The following MUCL3 variants were observed in gnomAD, a reference collection of about 807,000 sequenced individuals.
MUCL3 encodes the protein mucin-like protein 3.
Under a neutral mutation model 70.2 loss-of-function variants are expected in MUCL3, and 42 were observed. The observed-to-expected ratio is 0.60, with a 90% CI of 0.47 to 0.77. The LOEUF (loss-of-function observed/expected upper bound fraction) is 0.77. Ranked by LOEUF, MUCL3 falls within the 30% of genes least tolerant of loss-of-function variation. The pLI is 0.00. For synonymous variants in MUCL3, 522 were observed against 647.0 expected (o/e 0.81, Z 2.93); for missense variants, 1,429 against 1,670.0 (o/e 0.86, Z 2.52).
Position 30,952,102 on chromosome 6 carries a change from G to A in MUCL3, c.3638G>A (p.Gly1213Glu), listed in dbSNP as rs745648072. Residue 1213 changes from glycine (G) to glutamate (E), a missense_variant, in exon 2 of 3, where the codon GGG becomes GAG. By Grantham distance (98) the Gly-to-Glu change is moderately conservative. Coordinates refer to ENST00000462446, the MANE Select transcript of MUCL3 (RefSeq NM_080870.4). ...PVPEKPTENL[G>E]NTTLTTETIK... ...CCAGAAAAGCCTACAGAAAACCTGG[G>A]GAACACCACACTGACCACTGAGACC... 9 of 1,607,252 alleles carry A rather than the reference G, an allele frequency of 5.6e-6. No homozygotes were observed. Among genetic ancestry groups the A allele is most frequent in the African/African-American group, 4.1e-5 (3 of 73,752 alleles).
intron 1 of MUCL3, among the ~76,000 whole-genome samples, chr6:30,948,045 T>C (rs953810275): frequency 1.3e-5 from 2 of 152,194 alleles, no homozygotes; most frequent in African/African-American, 2.4e-5. Flanking sequence ...TTCTCAGCTA[T>C]GCCATAGAAA....
At chr6:30,944,233 T>A (rs562677460) in intron 1 of MUCL3, among the ~76,000 whole-genome samples, 2 of 151,954 alleles carry the variant, frequency 1.3e-5, no homozygotes, top group South Asian at 4.2e-4. Flanking sequence ...TCCTTCCTTT[T>A]CTTTCTTTTC....
In MUCL3 at chr6:30,953,246, C is replaced by T. The variant is rs1760804694; in HGVS notation, c.*129C>T. 7.4e-7 allele frequency: 1 copy of T among 1,358,370 alleles called. No individual in the cohort carries two copies. The highest frequency in any genetic ancestry group is 9.8e-7 in the Non-Finnish European group (1 of 1,022,830). The allele number at this position is 1,358,370 out of a possible 1,614,324, so 84.1% of individuals were successfully genotyped here. A position where few individuals can be genotyped will look rare whatever the true frequency, so the allele number is the denominator to read the frequency against. ...GAATACTGACGGTTACCAGTATTAA[C>T]CCTTCATCTGTTCTTGAAACTGGTT... On this transcript the variant is annotated 3_prime_UTR_variant, in exon 3 of 3. Coordinates refer to ENST00000462446, the MANE Select transcript of MUCL3 (RefSeq NM_080870.4).
intron 1 of MUCL3, among the ~76,000 whole-genome samples, chr6:30,945,751 G>A (rs911852078): frequency 1.3e-5 from 2 of 152,114 alleles, no homozygotes; most frequent in South Asian, 4.1e-4. Flanking sequence ...TCAGGAGATC[G>A]AGACCATCCT....
In MUCL3 at chr6:30,948,629, T is replaced by C. The variant is rs549163325; in HGVS notation, c.165T>C (p.Val55=). ...TATTTCCCCTCACTCCAGGCCTTGT[T>C]TATAGTATCCCTTTTGATCACATTG... is the stretch of plus-strand genomic sequence containing the variant. ...DHIFPLTPGL[V]YSIPFDHIVL... is the part of the protein sequence containing the mutation. Residue 55 remains valine (V), a synonymous_variant, in exon 2 of 3, where the codon GTT becomes GTC. Transcript: ENST00000462446. 1 of 1,551,608 alleles carries C rather than the reference T, an allele frequency of 6.4e-7. No individual in the cohort carries two copies. Among genetic ancestry groups the C allele is most frequent in the South Asian group, 1.2e-5 (1 of 84,030 alleles).
In MUCL3 at chr6:30,949,510, C is replaced by T. The variant is rs1406373513; in HGVS notation, c.1046C>T (p.Thr349Ile). ...GGGCCTACAGAAAATAGAGAAATGACAGCCAATGAGAATACCACACTATTC... is the reference window on the plus strand; with the variant it reads ...GGGCCTACAGAAAATAGAGAAATGATAGCCAATGAGAATACCACACTATTC... Reference protein sequence around the residue: ...PAGPTENREMTANENTTLFPA... With the variant: ...PAGPTENREMIANENTTLFPA... Residue 349 changes from threonine (T) to isoleucine (I), a missense_variant, in exon 2 of 3, where the codon ACA becomes ATA. Physicochemically the swap from Thr to Ile is moderately conservative, Grantham distance 89. Transcript: ENST00000462446. 2 of 1,550,482 alleles carry T rather than the reference C, an allele frequency of 1.3e-6. No individual in the cohort carries two copies. The highest frequency in any genetic ancestry group is 1.2e-5 in the South Asian group (1 of 83,964).
At position 30,948,968 on chromosome 6, in the gene MUCL3, T is replaced by C. The variant is rs552757780; in HGVS notation, c.504T>C (p.Cys168=). The C allele has an allele frequency of 3.2e-6, 5 of 1,551,452 alleles. No homozygotes were observed. The East Asian group carries it at 7.3e-5, about 23-fold the overall frequency. Reference sequence around the variant, plus strand: ...CAGCACCCAAGAGCAAAATAAACTGTCGTAAGTCCACAACAGGCAAATCAA... The same window carrying C: ...CAGCACCCAAGAGCAAAATAAACTGCCGTAAGTCCACAACAGGCAAATCAA... The part of the protein sequence containing the change: ...ITPAPKSKIN[C]RKSTTGKSTV... Residue 168 remains cysteine (C), a synonymous_variant, in exon 2 of 3, where the codon TGT becomes TGC. Transcript: ENST00000462446.
chr6:30,943,073 C>T (rs1279153875), intron 1 of MUCL3, among the ~76,000 whole-genome samples: 1 of 152,054 alleles, frequency 6.6e-6, no homozygotes, highest in African/African-American at 2.4e-5. Context: ...TGGCTGTGCC[C>T]AGCAGAGAGA....
In MUCL3 at chr6:30,953,062, T is replaced by A; in HGVS notation, c.4127T>A (p.Val1376Asp). The A allele has an allele frequency of 6.2e-7, 1 of 1,614,230 alleles. No individual in the cohort carries two copies. Among genetic ancestry groups the A allele is most frequent in the Non-Finnish European group, 8.5e-7 (1 of 1,180,036 alleles). The change falls in exon 3 of 3, where the codon GTC (valine) becomes GAC (aspartate). Residue 1376 changes from valine (V) to aspartate (D), a missense_variant. Val to Asp is a radical substitution (Grantham distance 152). Transcript: ENST00000462446. ...GAGGGTGGCCCCAATTCCTACCCGG[T>A]CTACCTGATGGAGCAGCAGAATCTT... ...EDEGGPNSYP[V>D]YLMEQQNLGM...
At position 30,953,087 on chromosome 6, in the gene MUCL3, T is replaced by C. The variant is rs1470507660; in HGVS notation, c.4152T>C (p.Leu1384=). 2 of 1,614,108 alleles carry C rather than the reference T, an allele frequency of 1.2e-6. No individual in the cohort carries two copies. Among genetic ancestry groups the C allele is most frequent in the Non-Finnish European group, 1.7e-6 (2 of 1,180,052 alleles). The change falls in exon 3 of 3, where the codon CTT becomes CTC. Residue 1384 remains leucine, a synonymous_variant. Coordinates refer to ENST00000462446, the MANE Select transcript of MUCL3 (RefSeq NM_080870.4). ...YPVYLMEQQN[L]GMGQIPSPR ...TCTACCTGATGGAGCAGCAGAATCT[T>C]GGCATGGGCCAGATCCCTTCCCCAC...
intron 1 of MUCL3, among the ~76,000 whole-genome samples, chr6:30,941,433 TTTCTTCTTCTTC>T (rs1161058683): frequency 1.5e-5 from 2 of 135,384 alleles, no homozygotes; most frequent in African/African-American, 5.7e-5. Context: ...TGGTGATTTC[TTTCTTCTTCTTC>T]TTCTTCTTCT....
Position 30,949,410 on chromosome 6 carries a change from A to C in MUCL3, c.946A>C (p.Thr316Pro). Residue 316 changes from threonine (T) to proline (P), a missense_variant, in exon 2 of 3, where the codon ACC becomes CCC. Transcript: ENST00000462446. ...ENRERTANEN[T>P]TLSPAEPIEN... is the part of the protein sequence containing the mutation. Reference sequence around the variant, plus strand: ...TAGAGAAAGGACAGCCAATGAGAACACCACACTATCCCCAGCAGAGCCTAT... The same window carrying C: ...TAGAGAAAGGACAGCCAATGAGAACCCCACACTATCCCCAGCAGAGCCTAT... 1 of 1,498,352 alleles carries C rather than the reference A, an allele frequency of 6.7e-7. No individual in the cohort carries two copies. Among genetic ancestry groups the C allele is most frequent in the Non-Finnish European group, 9.0e-7 (1 of 1,111,590 alleles). The allele number at this position is 1,498,352 out of a possible 1,614,324, so 92.8% of individuals were successfully genotyped here.
Position 30,948,585 on chromosome 6 carries a change from C to T in MUCL3, c.121C>T (p.Leu41Phe). The part of the protein sequence containing the change: ...TFQEYQKTGE[L>F]STSDHIFPLT... ...CCAAGAATATCAGAAAACTGGGGAACTCTCAACATCCGATCACATATTTCC... is the reference window on the plus strand; with the variant it reads ...CCAAGAATATCAGAAAACTGGGGAATTCTCAACATCCGATCACATATTTCC... The change falls in exon 2 of 3, where the codon CTC (leucine) becomes TTC (phenylalanine). Residue 41 changes from leucine (L) to phenylalanine (F), a missense_variant. Transcript: ENST00000462446. 1 of 1,540,882 alleles carries T rather than the reference C, an allele frequency of 6.5e-7. No individual in the cohort carries two copies. Among genetic ancestry groups the T allele is most frequent in the Non-Finnish European group, 8.7e-7 (1 of 1,143,722 alleles).
At chr6:30,941,154 T>G in intron 1 of MUCL3, 73 bp downstream of exon 1, 7 of 1,510,238 alleles carry the variant, frequency 4.6e-6, no homozygotes, top group Non-Finnish European at 6.2e-6. Context: ...GGACAACAAA[T>G]AGAAATGAAT....
Position 30,950,939 on chromosome 6 carries a change from T to C in MUCL3, c.2475T>C (p.Asn825=), listed in dbSNP as rs1760641104. 1.8e-5 allele frequency: 27 copies of C among 1,540,200 alleles called. No homozygotes were observed. Among genetic ancestry groups the C allele is most frequent in the Non-Finnish European group, 2.3e-5 (26 of 1,145,112 alleles). Residue 825 remains asparagine (N), a synonymous_variant, in exon 2 of 3, where the codon AAT becomes AAC. Coordinates refer to ENST00000462446, the MANE Select transcript of MUCL3 (RefSeq NM_080870.4). ...TTSSPAEPTE[N]RERTANEKTT... ...CATCCCCAGCAGAGCCTACAGAAAA[T>C]AGAGAAAGGACAGCCAATGAGAAGA...
In MUCL3 at chr6:30,948,478, AGGAGGTG is replaced by A. The variant is rs1275051765; in HGVS notation, c.83-65_83-59del. ...GGGGAACAAAGAGATCCCCTAGAGA[AGGAGGTG>A]GGAAGGGGGAGTTGGAGAAGAACAT... On this transcript the variant is annotated intron_variant, in intron 1 of 2. Coordinates refer to ENST00000462446, the MANE Select transcript of MUCL3 (RefSeq NM_080870.4). 7.4e-6 allele frequency: 9 copies of A among 1,212,824 alleles called. No homozygotes were observed. In the African/African-American group the frequency reaches 1.4e-4, roughly 19 times the overall value. The allele number at this position is 1,212,824 out of a possible 1,614,324, so 75.1% of individuals were successfully genotyped here.
intron 1 of MUCL3, among the ~76,000 whole-genome samples, chr6:30,942,037 C>T (rs987268967): frequency 6.6e-6 from 1 of 152,166 alleles, no homozygotes; most frequent in South Asian, 2.1e-4. Context: ...GATGCTGCTG[C>T]CCAGCCGTAC....
intron 1 of MUCL3, 65 bp from the exon 2 acceptor site, chr6:30,948,482 G>A (rs13200483): frequency 0.054 from 67,726 of 1,254,050 alleles, 2,215 homozygotes; most frequent in South Asian, 0.09. Context: ...TAGAGAAGGA[G>A]GTGGGAAGGG....
At position 30,950,826 on chromosome 6, in the gene MUCL3, C is replaced by T; in HGVS notation, c.2362C>T (p.Pro788Ser). The T allele has an allele frequency of 6.5e-7, 1 of 1,547,858 alleles. No homozygotes were observed. The highest frequency in any genetic ancestry group is 8.7e-7 in the Non-Finnish European group (1 of 1,146,422). ...GCCTACAGAAAATGGAAAAAGGACC[C>T]CATTTGCCAATGAGAAGACCACATC... ...AEPTENGKRT[P>S]FANEKTTSSS... Residue 788 changes from proline to serine, a missense_variant, in exon 2 of 3, where the codon CCA becomes TCA. Coordinates refer to ENST00000462446, the MANE Select transcript of MUCL3 (RefSeq NM_080870.4).
Sources: allele counts gnomAD v4.1 joint callset (sites outside exome capture counted in the v4.1 genomes callset), GRCh38; gene constraint gnomAD v4.1.1; transcripts MANE v1.5; gene names NCBI Gene and HGNC (gene_info 2026-07-23, HGNC 2026-07-21).